Variants in CDK13 observed in about 807,000 individuals in gnomAD.
The protein encoded by CDK13 is cyclin-dependent kinase 13.
CDK13 carries 40 observed loss-of-function variants against 137.6 expected under a neutral mutation model. The observed-to-expected ratio is 0.29, with a 90% CI of 0.23 to 0.38. CDK13 has a LOEUF of 0.38. Ranked by LOEUF, CDK13 falls within the 10% of genes least tolerant of loss-of-function variation. The probability of loss-of-function intolerance (pLI) is 1.00; values close to 1 mark genes in which losing one functional copy is unlikely to be tolerated. For synonymous variants in CDK13, 869 were observed against 760.1 expected, an observed-to-expected ratio of 1.14 and a Z score of -2.36; for missense variants, 1,704 against 1,951.8, an observed-to-expected ratio of 0.87 and a Z score of 2.39.
intron 9 of CDK13, chr7:40,067,978 C>G (rs1786318779): frequency 6.6e-6 from 1 of 151,916 alleles, no homozygotes; most frequent in South Asian, 2.1e-4. Context: ...GCCTGTAGTC[C>G]CAGCTCCTCA....
chr7:40,029,367 C>A (rs1229536699), intron 5 of CDK13, among the ~76,000 whole-genome samples: 1 of 151,164 alleles, frequency 6.6e-6, no homozygotes, highest in Non-Finnish European at 1.5e-5. Flanking sequence ...GCAGAAGTTG[C>A]AGTGAGCCGA....
rs980698068 is a variant in CDK13 at position 39,960,871 on chromosome 7, G to A, written c.1211+9019G>A. Among the ~76,000 whole-genome samples, 6 of 151,994 alleles carry A rather than the reference G, an allele frequency of 3.9e-5. No homozygotes were observed. In the South Asian group the frequency reaches 1.0e-3, roughly 26 times the overall value. ...ATTACAGGCGTGAGCCACCGCACCCGGCCAATTTATTTTTTATTGACAAAT... is the reference window on the plus strand; with the variant it reads ...ATTACAGGCGTGAGCCACCGCACCCAGCCAATTTATTTTTTATTGACAAAT... On this transcript the variant is annotated intron_variant, in intron 1 of 13. Coordinates refer to ENST00000181839, the MANE Select transcript of CDK13 (RefSeq NM_003718.5).
Position 40,097,257 on chromosome 7 carries a change from A to G in CDK13, c.*2277A>G, listed in dbSNP as rs1787068196. The G allele has an allele frequency of 1.3e-5, 2 of 152,228 alleles. 1 individual carries two copies. Among genetic ancestry groups the G allele is most frequent in the South Asian group, 4.1e-4 (2 of 4,828 alleles). The allele number at this position is 152,228 out of a possible 1,614,324, so 9.4% of individuals were successfully genotyped here. On this transcript the variant is annotated 3_prime_UTR_variant, in exon 14 of 14. Transcript: ENST00000181839. ...AATTTGAACTAGAACTTCTAATATT[A>G]TCCTTACACAGCACTACTGTGAGAC... is the stretch of plus-strand genomic sequence containing the variant.
intron 5 of CDK13, among the ~76,000 whole-genome samples, chr7:40,005,867 G>T (rs928114101): frequency 2.0e-5 from 3 of 152,130 alleles, no homozygotes; most frequent in Non-Finnish European, 4.4e-5. Context: ...GACCACACAC[G>T]CATGACAGCG....
At chr7:40,005,054 G>T (rs1784768033) in intron 5 of CDK13, among the ~76,000 whole-genome samples, 1 of 151,788 alleles carries the variant, frequency 6.6e-6, no homozygotes, top group African/African-American at 2.4e-5. Flanking sequence ...CATGCCTATA[G>T]TCCCAGCTAC....
At chr7:39,971,905 C>G (rs1414006271) in intron 1 of CDK13, among the ~76,000 whole-genome samples, 1 of 151,734 alleles carries the variant, frequency 6.6e-6, no homozygotes, top group Non-Finnish European at 1.5e-5. Flanking sequence ...ACAAAAAAAA[C>G]AAAAAAAGGT....
At chr7:40,014,452 CTTTTTTT>C (rs70996871) in intron 5 of CDK13, among the ~76,000 whole-genome samples, 1 of 118,704 alleles carries the variant, frequency 8.4e-6, no homozygotes, top group Admixed American at 8.5e-5. Flanking sequence ...ATTTCTCTCT[CTTTTTTT>C]TTTTTTTTTT....
chr7:40,058,544 A>G (rs1007397564), intron 7 of CDK13, among the ~76,000 whole-genome samples: 1 of 151,032 alleles, frequency 6.6e-6, no homozygotes, highest in Non-Finnish European at 1.5e-5. Context: ...AAAAAAAATA[A>G]ATAAAATAAT....
chr7:40,032,968 A>G (rs1785411158), intron 5 of CDK13, among the ~76,000 whole-genome samples: 1 of 152,264 alleles, frequency 6.6e-6, no homozygotes. Context: ...AAATGCATAC[A>G]GCAAGTTGGG....
At chr7:40,029,735 C>G (rs909009897) in intron 5 of CDK13, among the ~76,000 whole-genome samples, 4 of 152,076 alleles carry the variant, frequency 2.6e-5, no homozygotes, top group African/African-American at 9.7e-5. Flanking sequence ...TCACCACAAC[C>G]TCTGCCTCCC....
intron 9 of CDK13, among the ~76,000 whole-genome samples, chr7:40,074,109 C>T (rs958050903): frequency 1.3e-5 from 2 of 152,214 alleles, no homozygotes; most frequent in East Asian, 1.9e-4. Flanking sequence ...CCCATCTTGC[C>T]GAGCCTAGTC....
chr7:40,049,988 G>GTT (rs367604775), intron 7 of CDK13, among the ~76,000 whole-genome samples: 1 of 150,048 alleles, frequency 6.7e-6, no homozygotes, highest in African/African-American at 2.5e-5. Context: ...GTTTTGTTTT[G>GTT]TTTTTTTTTG....
chr7:39,961,073 C>T (rs1382434391), intron 1 of CDK13, among the ~76,000 whole-genome samples: 1 of 151,780 alleles, frequency 6.6e-6, no homozygotes, highest in Non-Finnish European at 1.5e-5. Context: ...TAACTCTACT[C>T]TTTGGCTGGG....
At chr7:40,030,142 G>C (rs1309650310) in intron 5 of CDK13, among the ~76,000 whole-genome samples, 1 of 152,056 alleles carries the variant, frequency 6.6e-6, no homozygotes, top group Non-Finnish European at 1.5e-5. Flanking sequence ...TATTTCAGTA[G>C]TAGTAGTTAT....
chr7:40,055,947 C>T (rs1786011771), intron 7 of CDK13, among the ~76,000 whole-genome samples: 1 of 152,116 alleles, frequency 6.6e-6, no homozygotes, highest in South Asian at 2.1e-4. Context: ...TTTAATTTTC[C>T]TGGGCTTTAA....
chr7:39,953,977 T>C (rs1238059567), intron 1 of CDK13, among the ~76,000 whole-genome samples: 1 of 152,240 alleles, frequency 6.6e-6, no homozygotes, highest in Non-Finnish European at 1.5e-5. Context: ...TGAAAATTTA[T>C]CTTTTTAAAG....
intron 3 of CDK13, 61 bp downstream of exon 3, chr7:39,997,725 G>A: frequency 7.9e-7 from 1 of 1,271,060 alleles, no homozygotes; most frequent in East Asian, 2.4e-5. Context: ...GTCATCAGAA[G>A]TTCATAAAAC....
intron 7 of CDK13, among the ~76,000 whole-genome samples, chr7:40,049,617 C>G (rs763028240): frequency 3.9e-5 from 6 of 152,126 alleles, no homozygotes; most frequent in Non-Finnish European, 8.8e-5. Flanking sequence ...AAAATCTACT[C>G]TCAACAATTT....
intron 11 of CDK13, among the ~76,000 whole-genome samples, chr7:40,083,727 TA>T (rs1202150158): frequency 2.0e-5 from 3 of 152,122 alleles, no homozygotes; most frequent in Non-Finnish European, 4.4e-5. Context: ...ACAAACATGT[TA>T]AAAACACATT....
Sources: allele counts gnomAD v4.1 joint callset (sites outside exome capture counted in the v4.1 genomes callset), GRCh38; gene constraint gnomAD v4.1.1; transcripts MANE v1.5; gene names NCBI Gene and HGNC (gene_info 2026-07-23, HGNC 2026-07-21).